Variants in AMZ2 observed in about 807,000 individuals in gnomAD.
The protein encoded by AMZ2 is archaelysin family metallopeptidase 2, also known as archaemetzincin-2.
In AMZ2, 26 loss-of-function variants were observed where a neutral mutation model predicts 36.7. The observed-to-expected ratio is 0.71, with a 90% CI of 0.52 to 0.98. AMZ2 has a LOEUF of 0.98. AMZ2 is among the 50% of genes least tolerant of loss of function. AMZ2 has a pLI of 0.00. For missense variants in AMZ2, 394 were observed against 430.5 expected (o/e 0.92, Z 0.75); for synonymous variants, 144 against 149.1 (o/e 0.97, Z 0.25).
At chr17:68,255,161 C>T (rs1299467770) in intron 5 of AMZ2, among the ~76,000 whole-genome samples, 1 of 152,186 alleles carries the variant, frequency 6.6e-6, no homozygotes, top group Non-Finnish European at 1.5e-5. Flanking sequence ...TTTCATGGGC[C>T]CCCTGTGTCA....
chr17:68,254,341 T>C (rs2074726619), intron 4 of AMZ2, 63 bp from the exon 5 acceptor site: 1 of 1,521,082 alleles, frequency 6.6e-7, no homozygotes, highest in Non-Finnish European at 8.9e-7. Flanking sequence ...CAGTCTCTTC[T>C]TTCTTTGGTC....
chr17:68,246,195 C>CAAAAA (rs57477453), upstream of AMZ2, among the ~76,000 whole-genome samples: 404 of 83,812 alleles, frequency 4.8e-3, 5 homozygotes, highest in African/African-American at 0.018. Context: ...ACTAAAAATA[C>CAAAAA]AAAAAAAAAA....
upstream of AMZ2, chr17:68,246,535 A>G (rs2074022051): frequency 6.6e-6 from 1 of 152,212 alleles, no homozygotes; most frequent in Non-Finnish European, 1.5e-5. Context: ...CGCCCAGTCA[A>G]AAGGCACATG....
chr17:68,212,414 T>G (rs2073091142), intron 1 of AMZ2, among the ~76,000 whole-genome samples: 1 of 152,134 alleles, frequency 6.6e-6, no homozygotes, highest in South Asian at 2.1e-4. Flanking sequence ...CTTATGCCTG[T>G]GATCCCAACA....
intron 1 of AMZ2, among the ~76,000 whole-genome samples, chr17:68,211,722 ATGTATATGTATATATG>A (rs781870927): frequency 0.095 from 12,977 of 136,148 alleles, 1,789 homozygotes; most frequent in South Asian, 0.13. Context: ...ATGTATATAT[ATGTATATGTATATATG>A]TGTATATGTA....
chr17:68,249,089 C>T, intron 1 of AMZ2: 1 of 1,187,370 alleles, frequency 8.4e-7, no homozygotes, highest in South Asian at 4.2e-5. Flanking sequence ...TGGAAGAAAC[C>T]TGTCATTGTG....
chr17:68,244,736 A>G (rs2073967021), upstream of AMZ2, among the ~76,000 whole-genome samples: 1 of 152,244 alleles, frequency 6.6e-6, no homozygotes, highest in South Asian at 2.1e-4. Flanking sequence ...GGGATTCTTT[A>G]TACTACTTTT....
At chr17:68,209,632 A>ATATATATATGTATATATATTTTTTTTTT in intron 1 of AMZ2, among the ~76,000 whole-genome samples, 1 of 90,698 alleles carries the variant, frequency 1.1e-5, no homozygotes, top group Non-Finnish European at 2.0e-5. Flanking sequence ...ATATATATAT[A>ATATATATATGTATATATATTTTTTTTTT]TTTTTTTTTT....
intron 1 of AMZ2, among the ~76,000 whole-genome samples, chr17:68,226,291 G>C (rs559335352): frequency 3.9e-5 from 6 of 152,172 alleles, no homozygotes; most frequent in African/African-American, 7.2e-5. Context: ...TCTGTTTTGT[G>C]CCTTAAGAGT....
chr17:68,252,401 A>G (rs9913805), intron 4 of AMZ2, among the ~76,000 whole-genome samples: 2,433 of 152,242 alleles, frequency 0.016, 58 homozygotes, highest in African/African-American at 0.056. Context: ...GTGGGTCACT[A>G]CTTTCTTACT....
At chr17:68,239,174 A>G (rs1483927543) in intron 1 of AMZ2, among the ~76,000 whole-genome samples, 1 of 152,190 alleles carries the variant, frequency 6.6e-6, no homozygotes, top group East Asian at 1.9e-4. Flanking sequence ...TGCTTTGCAT[A>G]GAGCCCTGGC....
intron 1 of AMZ2, among the ~76,000 whole-genome samples, chr17:68,211,085 G>A (rs1289111861): frequency 1.3e-5 from 2 of 151,994 alleles, no homozygotes; most frequent in South Asian, 2.1e-4. Context: ...GTATGATTTC[G>A]TTTATATGGA....
chr17:68,254,090 G>A (rs2074710337), intron 4 of AMZ2, among the ~76,000 whole-genome samples: 1 of 152,186 alleles, frequency 6.6e-6, no homozygotes, highest in African/African-American at 2.4e-5. Flanking sequence ...TTGATTTGGA[G>A]TACTTGCTAC....
upstream of AMZ2, chr17:68,247,732 C>T: frequency 1.0e-6 from 1 of 985,506 alleles, no homozygotes; most frequent in Non-Finnish European, 1.2e-6. Flanking sequence ...CGTTCCCACA[C>T]GGGAGACCCC....
chr17:68,230,781 T>C (rs55851319), intron 1 of AMZ2, among the ~76,000 whole-genome samples: 19,083 of 152,084 alleles, frequency 0.13, 1,538 homozygotes, highest in East Asian at 0.29. Context: ...CCCCTGGCAT[T>C]GGCTGGAGGG....
chr17:68,255,307 C>T (rs2074813599), intron 5 of AMZ2, among the ~76,000 whole-genome samples: 1 of 105,870 alleles, frequency 9.4e-6, no homozygotes, highest in Non-Finnish European at 2.1e-5. Context: ...GGGTTCTCAG[C>T]CAGGGGTGAT....
chr17:68,227,956 G>A (rs1461155716), intron 1 of AMZ2, among the ~76,000 whole-genome samples: 3 of 152,120 alleles, frequency 2.0e-5, no homozygotes, highest in Admixed American at 6.6e-5. Context: ...CACAGGTTCT[G>A]GGGATCAGGG....
At position 68,248,043 on chromosome 17, in the gene AMZ2, A is replaced by AGTGCGAAGGGACGCG; in HGVS notation, c.-657_-643dup. 1.0e-6 allele frequency: 1 copy of AGTGCGAAGGGACGCG among 986,320 alleles called. No individual in the cohort carries two copies. The highest frequency in any genetic ancestry group is 1.2e-6 in the Non-Finnish European group (1 of 830,696). The allele number at this position is 986,320 out of a possible 1,614,324, so 61.1% of individuals were successfully genotyped here. The stretch of plus-strand genomic sequence containing the variant: ...GGCGCCAGTGGGCGTGGCGTGGCGC[A>AGTGCGAAGGGACGCG]GTGCGAAGGGACGCGGTGCGCATGC... On this transcript the variant is annotated 5_prime_UTR_variant, in exon 1 of 7. Coordinates refer to ENST00000359904, the MANE Select transcript of AMZ2 (RefSeq NM_016627.5).
rs1437978449 is a variant in AMZ2, at chr17:68,251,144, G to A, written c.552G>A (p.Trp184Ter). The change falls in exon 4 of 7, where the codon TGG becomes TGA. Residue 184 changes from tryptophan (W) to a stop codon, truncating the protein, a stop_gained. Transcript: ENST00000359904. LOFTEE classifies it high-confidence loss of function. ...TTGATCTTTACCCAAGAGACTCGTGGAATTTTGTCTTTGGACAGGCCTCTT... is the reference window on the plus strand; with the variant it reads ...TTGATCTTTACCCAAGAGACTCGTGAAATTTTGTCTTTGGACAGGCCTCTT... ...TMIDLYPRDS[W>*]NFVFGQASLT... The A allele has an allele frequency of 4.3e-6, 7 of 1,613,676 alleles. 1 individual carries two copies. In the African/African-American group the frequency reaches 6.7e-5, roughly 15 times the overall value.
Sources: gnomAD v4.1 joint callset for allele counts (sites outside exome capture counted in the v4.1 genomes callset) on GRCh38, gnomAD v4.1.1 for gene constraint, MANE v1.5 for transcripts, NCBI Gene and HGNC (gene_info 2026-07-23, HGNC 2026-07-21) for gene names.